The following BRCA1 variants were observed in gnomAD, a reference collection of about 807,000 sequenced individuals.
The protein encoded by BRCA1 is breast cancer type 1 susceptibility protein.
A neutral mutation model predicts 173.7 loss-of-function variants in BRCA1; 140 were observed. That is an observed-to-expected ratio of 0.81 (90% CI 0.70 to 0.93). The LOEUF (loss-of-function observed/expected upper bound fraction) is 0.93. Ranked by LOEUF, BRCA1 falls within the 40% of genes least tolerant of loss-of-function variation. BRCA1 has a pLI of 0.00. For missense variants in BRCA1, 1,983 were observed against 2,172.5 expected (o/e 0.91, Z 1.73); for synonymous variants, 662 against 756.0 (o/e 0.88, Z 2.04).
intron 1 of BRCA1, chr17:43,145,016 T>G (rs2056109509): frequency 1.4e-6 from 1 of 695,418 alleles, no homozygotes; most frequent in Non-Finnish European, 2.7e-6. Context: ...CAAGAGGAGA[T>G]CAGCGCAATT....
intron 12 of BRCA1, among the ~76,000 whole-genome samples, chr17:43,080,353 G>A (rs1340190007): frequency 1.3e-5 from 2 of 152,278 alleles, no homozygotes; most frequent in Middle Eastern, 3.4e-3. Flanking sequence ...GTGCCACCAC[G>A]CCCGGCTAAT....
chr17:43,099,981 C>G (rs2054314181), intron 6 of BRCA1, 101 bp from the exon 7 acceptor site: 4 of 914,510 alleles, frequency 4.4e-6, no homozygotes, highest in South Asian at 2.6e-5. Context: ...AATTGACCAT[C>G]ATCAGTCAGC....
At chr17:43,115,371 G>A (rs769253709) in intron 3 of BRCA1, among the ~76,000 whole-genome samples, 3 of 151,888 alleles carry the variant, frequency 2.0e-5, no homozygotes, top group Non-Finnish European at 2.9e-5. Flanking sequence ...GCATGGTGGC[G>A]GGTGCCTGTA....
At chr17:43,121,812 T>A (rs1474182357) in intron 2 of BRCA1, among the ~76,000 whole-genome samples, 1 of 152,150 alleles carries the variant, frequency 6.6e-6, no homozygotes, top group Non-Finnish European at 1.5e-5. Flanking sequence ...CATCTTTAAT[T>A]TTTATGTATC....
chr17:43,084,043 T>G (rs1415203570), intron 11 of BRCA1, among the ~76,000 whole-genome samples: 3 of 151,598 alleles, frequency 2.0e-5, no homozygotes, highest in Non-Finnish European at 4.4e-5. Context: ...TTTTTTTTTT[T>G]TTTTTGAGAC....
intron 6 of BRCA1, among the ~76,000 whole-genome samples, chr17:43,100,687 A>AACATATATATATATATATATAT (rs2054427233): frequency 3.6e-5 from 3 of 83,246 alleles, no homozygotes; most frequent in African/African-American, 3.3e-4. Flanking sequence ...TAATATATAT[A>AACATATATATATATATATATAT]TATATATATA....
Position 43,124,036 on chromosome 17 carries a change from T to C in BRCA1, c.61A>G (p.Ile21Val), listed in dbSNP as rs80357406. ...ACTTACCAGATGGGACACTCTAAGATTTTCTGCATAGCATTAATGACATTT... is the reference window on the plus strand; with the variant it reads ...ACTTACCAGATGGGACACTCTAAGACTTTCTGCATAGCATTAATGACATTT... ...VQNVINAMQK[I>V]LECPICLELI... The change falls in exon 2 of 23, where the codon ATC (isoleucine) becomes GTC (valine). Residue 21 changes from isoleucine to valine, a missense_variant. Ile to Val is a conservative substitution (Grantham distance 29). Coordinates refer to ENST00000357654, the MANE Select transcript of BRCA1 (RefSeq NM_007294.4). 1.2e-6 allele frequency: 2 copies of C among 1,613,404 alleles called. No homozygotes were observed. Among genetic ancestry groups the C allele is most frequent in the African/African-American group, 2.7e-5 (2 of 74,924 alleles).
intron 6 of BRCA1, among the ~76,000 whole-genome samples, chr17:43,103,509 G>C (rs1340472175): frequency 6.6e-6 from 1 of 151,000 alleles, no homozygotes; most frequent in Non-Finnish European, 1.5e-5. Context: ...TGGTGTATCT[G>C]ATGGGGATCT....
intron 21 of BRCA1, among the ~76,000 whole-genome samples, chr17:43,048,211 CTTTT>C (rs956156557): frequency 1.3e-5 from 2 of 150,500 alleles, no homozygotes; most frequent in Non-Finnish European, 3.0e-5. Flanking sequence ...CTCTCTCTCT[CTTTT>C]TTTTTGAGAC....
chr17:43,086,895 GGA>G (rs1321432634), intron 11 of BRCA1, among the ~76,000 whole-genome samples: 1 of 152,176 alleles, frequency 6.6e-6, no homozygotes, highest in African/African-American at 2.4e-5. Context: ...TACAGAGTGG[GGA>G]GTCATCTCAA....
intron 16 of BRCA1, 62 bp downstream of exon 16, chr17:43,067,546 G>T: frequency 7.2e-7 from 1 of 1,383,752 alleles, no homozygotes; most frequent in Non-Finnish European, 1.0e-6. Context: ...GCGCCACCGT[G>T]CCTCGCCTCA....
At chr17:43,168,997 C>T (rs1031492274) in intron 1 of BRCA1, among the ~76,000 whole-genome samples, 29 of 152,178 alleles carry the variant, frequency 1.9e-4, no homozygotes, top group African/African-American at 7.0e-4. Context: ...ACATCCCTGC[C>T]GGCAGCATCT....
chr17:43,155,789 C>G (rs2056193303), intron 1 of BRCA1, among the ~76,000 whole-genome samples: 1 of 152,110 alleles, frequency 6.6e-6, no homozygotes, highest in Admixed American at 6.6e-5. Context: ...CCTGCCTCAG[C>G]TGGGATTACA....
chr17:43,099,311 C>T (rs189644056), intron 7 of BRCA1, among the ~76,000 whole-genome samples: 32 of 151,288 alleles, frequency 2.1e-4, no homozygotes, highest in African/African-American at 6.1e-4. Context: ...GCTATTTTTG[C>T]CCAGGCTGGA....
In BRCA1 at chr17:43,091,483, C is replaced by T. The variant is rs748674194; in HGVS notation, c.4048G>A (p.Gly1350Ser). The T allele has an allele frequency of 6.2e-7, 1 of 1,613,500 alleles. No individual in the cohort carries two copies. Among genetic ancestry groups the T allele is most frequent in the East Asian group, 2.2e-5 (1 of 44,874 alleles). The change falls in exon 10 of 23, where the codon GGC becomes AGC. Residue 1350 changes from glycine (G) to serine (S), a missense_variant. By Grantham distance (56) the Gly-to-Ser change is moderately conservative. Coordinates refer to ENST00000357654, the MANE Select transcript of BRCA1 (RefSeq NM_007294.4). Reference protein sequence around the residue: ...LVSDDEERGTGLEENNQEEQS... With the variant: ...LVSDDEERGTSLEENNQEEQS... ...TCTTCTTGATTATTTTCTTCCAAGC[C>T]CGTTCCTCTTTCTTCATCATCTGAA...
Position 43,082,412 on chromosome 17 carries a change from G to C in BRCA1, c.4349C>G (p.Ser1450Ter), listed in dbSNP as rs886040226. Residue 1450 changes from serine (S) to a stop codon, truncating the protein, a stop_gained, in exon 12 of 23, where the codon TCA becomes TGA. Transcript: ENST00000357654. LOFTEE classifies it high-confidence loss of function. ...TGGCCAACAATACACACCTTTTTCT[G>C]ATGTGCTTTGTTCTGGATTTCGCAG... is the stretch of plus-strand genomic sequence containing the variant. ...EDLRNPEQST[S>*]EKAVLTSQKS... The C allele has an allele frequency of 6.2e-7, 1 of 1,613,522 alleles. No individual in the cohort carries two copies. The highest frequency in any genetic ancestry group is 8.5e-7 in the Non-Finnish European group (1 of 1,179,794).
intron 1 of BRCA1, chr17:43,164,291 C>G (rs1234218599): frequency 1.3e-5 from 2 of 152,204 alleles, no homozygotes; most frequent in Admixed American, 6.5e-5. Context: ...CATAAAAACT[C>G]TACATCAGGG....
At position 43,071,025 on chromosome 17, in the gene BRCA1, T is replaced by C. The variant is rs2153824237; in HGVS notation, c.4889A>G (p.Glu1630Gly). The C allele has an allele frequency of 6.2e-7, 1 of 1,614,246 alleles. No individual in the cohort carries two copies. The highest frequency in any genetic ancestry group is 8.5e-7 in the Non-Finnish European group (1 of 1,180,042). The change falls in exon 15 of 23, where the codon GAA becomes GGA. Residue 1630 changes from glutamate to glycine, a missense_variant. Coordinates refer to ENST00000357654, the MANE Select transcript of BRCA1 (RefSeq NM_007294.4). The part of the protein sequence containing the change: ...TDTAGYNAME[E>G]SVSREKPELT... Reference sequence around the variant, plus strand: ...TTCTGGCTTCTCCCTGCTCACACTTTCTTCCATTGCATTATACCCAGCAGT... The same window carrying C: ...TTCTGGCTTCTCCCTGCTCACACTTCCTTCCATTGCATTATACCCAGCAGT...
At chr17:43,067,832 G>C (rs878948899) in intron 15 of BRCA1, 137 bp from the exon 16 acceptor site, 2 of 326,360 alleles carry the variant, frequency 6.1e-6, no homozygotes, top group South Asian at 2.9e-5. Context: ...ACTATTTAAA[G>C]TGAATTTTTT....
Sources: gnomAD v4.1 joint callset for allele counts (sites outside exome capture counted in the v4.1 genomes callset) on GRCh38, gnomAD v4.1.1 for gene constraint, MANE v1.5 for transcripts, NCBI Gene and HGNC (gene_info 2026-07-23, HGNC 2026-07-21) for gene names.